JAK1: variants seen among roughly 807,000 people sequenced by gnomAD.
The protein encoded by JAK1 is tyrosine-protein kinase JAK1.
JAK1 carries 16 observed loss-of-function variants against 136.6 expected under a neutral mutation model. The ratio of observed to expected loss-of-function variants is 0.12; its 90% CI spans 0.08 to 0.18. JAK1 has a LOEUF of 0.18. JAK1 is among the 10% of genes least tolerant of loss of function. The pLI, the probability that JAK1 is intolerant of heterozygous loss-of-function variation, is 1.00. For synonymous variants in JAK1, 492 were observed against 519.5 expected (o/e 0.95, Z 0.72); for missense variants, 859 against 1,450.1 (o/e 0.59, Z 6.62).
intron 14 of JAK1, among the ~76,000 whole-genome samples, chr1:64,846,447 A>T (rs1655236663): frequency 6.6e-6 from 1 of 152,114 alleles, no homozygotes; most frequent in Non-Finnish European, 1.5e-5. Flanking sequence ...ACATTACACA[A>T]ATGAATGAAA....
At chr1:64,914,389 C>T (rs2100313629) in intron 1 of JAK1, among the ~76,000 whole-genome samples, 1 of 152,292 alleles carries the variant, frequency 6.6e-6, no homozygotes, top group South Asian at 2.1e-4. Context: ...TGACTCTAAA[C>T]ACTTTGAGAA....
chr1:65,057,588 T>C (rs1054017870), intron 1 of JAK1, among the ~76,000 whole-genome samples: 1 of 151,546 alleles, frequency 6.6e-6, no homozygotes, highest in Non-Finnish European at 1.5e-5. Context: ...ACTCGGGAGG[T>C]TGAGGTGGGA....
chr1:64,883,132 T>A lies in JAK1; in HGVS notation c.205+145A>T, dbSNP rs564295039. 65 of 588,178 alleles carry A rather than the reference T, an allele frequency of 1.1e-4. 1 individual carries two copies. In the Admixed American group the frequency reaches 2.2e-3, roughly 20 times the overall value. 36.4% of individuals were successfully genotyped at this position (588,178 alleles called of 1,614,324 possible). On this transcript the variant is annotated intron_variant, in intron 3 of 24. Coordinates refer to ENST00000342505, the MANE Select transcript of JAK1 (RefSeq NM_002227.4). ...TCACTGGCCTAAGGTCACGTGCAAG[T>A]GGCAGTGGCAGAGGCAGGGAGGAAC...
intron 1 of JAK1, among the ~76,000 whole-genome samples, chr1:64,905,908 G>C (rs1396044448): frequency 6.6e-6 from 1 of 152,088 alleles, no homozygotes; most frequent in Non-Finnish European, 1.5e-5. Context: ...AAATGTCGGT[G>C]GCCCAAGGAC....
intron 2 of JAK1, among the ~76,000 whole-genome samples, chr1:65,038,562 G>A (rs1372880117): frequency 6.6e-6 from 1 of 151,818 alleles, no homozygotes; most frequent in African/African-American, 2.4e-5. Context: ...GTTTGCACTG[G>A]GCCCCACAAA....
chr1:64,837,040 A>G (rs1654526028), intron 22 of JAK1, among the ~76,000 whole-genome samples: 1 of 152,072 alleles, frequency 6.6e-6, no homozygotes, highest in African/African-American at 2.4e-5. Flanking sequence ...CATTCTTCCT[A>G]GTCACGCATG....
chr1:64,844,709 C>A lies in JAK1; in HGVS notation c.2251+45G>T, dbSNP rs752301251. The A allele has an allele frequency of 1.2e-6, 2 of 1,612,538 alleles. No homozygotes were observed. Among genetic ancestry groups the A allele is most frequent in the South Asian group, 2.2e-5 (2 of 91,028 alleles). On this transcript the variant is annotated intron_variant, in intron 16 of 24. Coordinates refer to ENST00000342505, the MANE Select transcript of JAK1 (RefSeq NM_002227.4). The surrounding 1 kb of genome is among the most constrained non-coding windows in gnomAD (Gnocchi z 5.7). ...CCCAGCCCTTCTCTCTGCTGACTTGCCCCTGACTCGGGGTGGGGCCAGAGG... is the reference window on the plus strand; with the variant it reads ...CCCAGCCCTTCTCTCTGCTGACTTGACCCTGACTCGGGGTGGGGCCAGAGG...
chr1:64,844,154 A>G lies in JAK1; in HGVS notation c.2313T>C (p.Ser771=). 1.2e-6 allele frequency: 2 copies of G among 1,614,142 alleles called. No individual in the cohort carries two copies. The highest frequency in any genetic ancestry group is 2.2e-5 in the East Asian group (1 of 44,880). Residue 771 remains serine, a synonymous_variant, in exon 17 of 25, where the codon AGT becomes AGC. Coordinates refer to ENST00000342505, the MANE Select transcript of JAK1 (RefSeq NM_002227.4). The surrounding 1 kb of genome is among the most constrained non-coding windows in gnomAD (Gnocchi z 5.7). ...PECVEDSKNL[S]VAADKWSFGT... ...CAAAGCTCCACTTGTCAGCAGCCAC[A>G]CTCAGGTTCTTGGAGTCCTCAACAC...
At chr1:64,882,241 G>T (rs1644784622) in intron 3 of JAK1, among the ~76,000 whole-genome samples, 1 of 152,168 alleles carries the variant, frequency 6.6e-6, no homozygotes, top group South Asian at 2.1e-4. Context: ...ATATCAGAAA[G>T]AAGGTAGGTT....
chr1:64,921,488 G>C (rs57933850), intron 1 of JAK1, among the ~76,000 whole-genome samples: 2,917 of 152,080 alleles, frequency 0.019, 108 homozygotes, highest in African/African-American at 0.067. Context: ...CTGATTTCCA[G>C]TGACCTACTA....
chr1:64,866,916 C>T lies in JAK1; in HGVS notation c.940G>A (p.Glu314Lys), dbSNP rs758451418. The T allele has an allele frequency of 2.5e-6, 4 of 1,614,120 alleles. No individual in the cohort carries two copies. The highest frequency in any genetic ancestry group is 1.1e-5 in the South Asian group (1 of 91,074). The change falls in exon 7 of 25, where the codon GAA (glutamate) becomes AAA (lysine). Residue 314 changes from glutamate to lysine, a missense_variant. Glu to Lys is a moderately conservative substitution (Grantham distance 56). Coordinates refer to ENST00000342505, the MANE Select transcript of JAK1 (RefSeq NM_002227.4). ...CCAAGATTCCCAGTCACCATCACTT[C>T]GTAGTAGAGAACGTTTCCACCGTCA... ...SNDGGNVLYY[E>K]VMVTGNLGIQ... is the part of the protein sequence containing the mutation.
chr1:64,982,564 G>T (rs1282836652), intron 2 of JAK1, among the ~76,000 whole-genome samples: 4 of 152,136 alleles, frequency 2.6e-5, no homozygotes, highest in Admixed American at 1.3e-4. Context: ...CTCTGGGGGA[G>T]GATTTGGGGG....
At chr1:65,017,677 C>A (rs1288674730) in intron 2 of JAK1, among the ~76,000 whole-genome samples, 1 of 151,982 alleles carries the variant, frequency 6.6e-6, no homozygotes, top group Non-Finnish European at 1.5e-5. Context: ...TGTTTTCTGA[C>A]CTAAAGTGAT....
chr1:64,872,311 A>C (rs1453626402), intron 5 of JAK1, among the ~76,000 whole-genome samples: 1 of 152,112 alleles, frequency 6.6e-6, no homozygotes, highest in African/African-American at 2.4e-5. Context: ...CTGCTGAGAC[A>C]CTCTACATGG....
At chr1:64,837,374 G>C (rs902873193) in intron 22 of JAK1, among the ~76,000 whole-genome samples, 1 of 152,162 alleles carries the variant, frequency 6.6e-6, no homozygotes, top group Admixed American at 6.5e-5. Flanking sequence ...TACGTGGCAG[G>C]GTGCGGTAGA....
intron 8 of JAK1, among the ~76,000 whole-genome samples, chr1:64,862,564 T>C (rs902355132): frequency 1.3e-5 from 2 of 152,240 alleles, no homozygotes; most frequent in Non-Finnish European, 2.9e-5. Context: ...CATAGAGTCA[T>C]TGGCCCATGT....
At chr1:64,998,950 T>G (rs1224384053) in intron 2 of JAK1, among the ~76,000 whole-genome samples, 1 of 152,238 alleles carries the variant, frequency 6.6e-6, no homozygotes, top group Non-Finnish European at 1.5e-5. Flanking sequence ...AGGACCAAAC[T>G]TAACTAACAA....
chr1:64,967,061 A>T (rs1008091739), upstream of JAK1, among the ~76,000 whole-genome samples: 1 of 120,460 alleles, frequency 8.3e-6, no homozygotes, highest in African/African-American at 3.3e-5. Context: ...GCTCTTTACG[A>T]AAAAAAAAAA....
In JAK1 at chr1:64,844,536, C is replaced by T. The variant is rs1655102616; in HGVS notation, c.2251+218G>A. 1.3e-5 allele frequency among the ~76,000 whole-genome samples: 2 copies of T among 152,170 alleles called. No individual in the cohort carries two copies. The highest frequency in any genetic ancestry group is 1.3e-4 in the Admixed American group (2 of 15,284). ...CAGCAAAACATCCCAGGGTGGGGGC[C>T]ATCACCCAGGGCAGGAGGACGAACG... On this transcript the variant is annotated intron_variant, in intron 16 of 24. Transcript: ENST00000342505. This position sits in a 1 kb window ranked among gnomAD's most constrained non-coding sequence, Gnocchi z 5.7.
Sources: gnomAD v4.1 joint callset for allele counts (sites outside exome capture counted in the v4.1 genomes callset) on GRCh38, gnomAD v4.1.1 for gene constraint, Gnocchi (gnomAD v3.1) non-coding constraint, MANE v1.5 for transcripts, NCBI Gene and HGNC (gene_info 2026-07-23, HGNC 2026-07-21) for gene names.